Variants in ISCU observed in about 807,000 individuals in gnomAD.
ISCU encodes the protein iron-sulfur cluster assembly enzyme ISCU.
In ISCU, 13 loss-of-function variants were observed where a neutral mutation model predicts 18.4. That is an observed-to-expected ratio of 0.71 (90% CI 0.46 to 1.12). The LOEUF (loss-of-function observed/expected upper bound fraction) is 1.12, where lower values mean the gene tolerates loss of function less well. ISCU is among the 50% of genes most tolerant of loss of function. ISCU has a pLI of 0.00. For synonymous variants in ISCU, 104 were observed against 87.5 expected, an observed-to-expected ratio of 1.19 and a Z score of -1.06; for missense variants, 229 against 208.7, an observed-to-expected ratio of 1.10 and a Z score of -0.60.
upstream of ISCU, chr12:108,562,489 G>C: frequency 2.0e-6 from 1 of 496,632 alleles, no homozygotes; most frequent in Non-Finnish European, 3.4e-6. Context: ...AGGCGGACGC[G>C]TGCACGGAGC....
At chr12:108,566,381 T>C (rs1435209658) in intron 3 of ISCU, among the ~76,000 whole-genome samples, 4 of 152,232 alleles carry the variant, frequency 2.6e-5, no homozygotes, top group South Asian at 4.1e-4. Context: ...ACCTGGCCCT[T>C]AGGGGACTGT....
intron 1 of ISCU, 131 bp from the exon 2 acceptor site, chr12:108,564,148 C>G (rs1439940136): frequency 3.1e-6 from 5 of 1,611,440 alleles, no homozygotes; most frequent in Non-Finnish European, 4.2e-6. Context: ...GTAGACCTTT[C>G]TACTCAGGTG....
intron 1 of ISCU, chr12:108,563,810 T>C: frequency 2.1e-6 from 1 of 486,318 alleles, no homozygotes; most frequent in Non-Finnish European, 3.7e-6. Context: ...CACATAAACG[T>C]ACACATTCCA....
intron 4 of ISCU, chr12:108,567,689 T>A (rs2030964595): frequency 6.5e-7 from 1 of 1,535,924 alleles, no homozygotes; most frequent in South Asian, 1.2e-5. Context: ...AGGAGAAAAC[T>A]CAGCTTTCGC....
rs910607468 is a variant in ISCU, at chr12:108,563,660, C to T, written c.115-619C>T. 1.1e-5 allele frequency: 3 copies of T among 263,892 alleles called. No homozygotes were observed. In the Admixed American group the frequency reaches 1.5e-4, roughly 13 times the overall value. 16.3% of individuals were successfully genotyped at this position (263,892 alleles called of 1,614,324 possible). A position where few individuals can be genotyped will look rare whatever the true frequency, so the allele number is the denominator to read the frequency against. On this transcript the variant is annotated intron_variant, in intron 1 of 4. Transcript: ENST00000311893. ...CTCCAAGGGCTTCTTCACTCCTCCC[C>T]CTCCCGGGGGTGTGTTTTGTTGAGG...
rs1481300839 is a variant in ISCU at position 108,564,362 on chromosome 12, T to C, written c.198T>C (p.Ala66=). ...SKNVGTGLVG[A]PACGDVMKLQ... Reference sequence around the variant, plus strand: ...ATGTTGGAACTGGACTGGTGGGGGCTCCAGCATGTGGTGACGTAATGAAAT... The same window carrying C: ...ATGTTGGAACTGGACTGGTGGGGGCCCCAGCATGTGGTGACGTAATGAAAT... The change falls in exon 2 of 5, where the codon GCT becomes GCC. Residue 66 remains alanine, a synonymous_variant. Transcript: ENST00000311893. 1 of 1,613,812 alleles carries C rather than the reference T, an allele frequency of 6.2e-7. No individual in the cohort carries two copies. The highest frequency in any genetic ancestry group is 1.1e-5 in the South Asian group (1 of 91,074).
intron 3 of ISCU, among the ~76,000 whole-genome samples, chr12:108,566,524 A>T (rs1301237454): frequency 6.6e-6 from 1 of 152,256 alleles, no homozygotes; most frequent in Non-Finnish European, 1.5e-5. Context: ...GACATAGTCA[A>T]AGAGTCTGGC....
rs1309398166 is a variant in ISCU at position 108,568,644 on chromosome 12, C to T, written c.419-187C>T. 19 of 1,447,886 alleles carry T rather than the reference C, an allele frequency of 1.3e-5. No homozygotes were observed. In the East Asian group the frequency reaches 2.0e-4, roughly 15 times the overall value. The allele number at this position is 1,447,886 out of a possible 1,614,324, so 89.7% of individuals were successfully genotyped here. A position where few individuals can be genotyped will look rare whatever the true frequency, so the allele number is the denominator to read the frequency against. ...ACCCTAGTCTGTCTCCAGGATCACCCGCAGGAGTAACTCAGCTCAGGAAGC... is the reference window on the plus strand; with the variant it reads ...ACCCTAGTCTGTCTCCAGGATCACCTGCAGGAGTAACTCAGCTCAGGAAGC... On this transcript the variant is annotated intron_variant, in intron 4 of 4. Coordinates refer to ENST00000311893, the MANE Select transcript of ISCU (RefSeq NM_213595.4).
intron 2 of ISCU, chr12:108,564,990 GA>G (rs1228540911): frequency 2.6e-6 from 1 of 377,706 alleles, no homozygotes; most frequent in African/African-American, 2.0e-5. Flanking sequence ...AGTGTTTAAA[GA>G]GGCCAGATTG....
At position 108,564,303 on chromosome 12, in the gene ISCU, A is replaced by G; in HGVS notation, c.139A>G (p.Arg47Gly). ...GGTTGTTGATCATTATGAAAATCCT[A>G]GAAACGTGGGGTCCCTTGACAAGAC... ...KKVVDHYENP[R>G]NVGSLDKTSK... Residue 47 changes from arginine to glycine, a missense_variant, in exon 2 of 5, where the codon AGA becomes GGA. Transcript: ENST00000311893. 1 of 1,614,074 alleles carries G rather than the reference A, an allele frequency of 6.2e-7. No homozygotes were observed. The highest frequency in any genetic ancestry group is 8.5e-7 in the Non-Finnish European group (1 of 1,179,882).
At chr12:108,565,119 A>G in intron 2 of ISCU, 2 of 588,108 alleles carry the variant, frequency 3.4e-6, no homozygotes. Context: ...GATCTTTGTC[A>G]GTTGGGCCTG....
chr12:108,561,974 T>C (rs1223205492), upstream of ISCU, among the ~76,000 whole-genome samples: 1 of 152,212 alleles, frequency 6.6e-6, no homozygotes, highest in Non-Finnish European at 1.5e-5. Context: ...GCAGGAATTA[T>C]GTCTGTTTTG....
upstream of ISCU, chr12:108,562,432 T>A (rs1204727294): frequency 2.3e-6 from 1 of 438,122 alleles, no homozygotes; most frequent in Admixed American, 4.4e-5. Context: ...ACCTTCCCGC[T>A]CCCGACCCCG....
At chr12:108,567,657 G>C in intron 4 of ISCU, 3 of 1,535,752 alleles carry the variant, frequency 2.0e-6, no homozygotes, top group East Asian at 4.9e-5. Flanking sequence ...TTTGATTTCA[G>C]AATCTGTGCT....
intron 2 of ISCU, chr12:108,565,064 C>T: frequency 1.9e-6 from 1 of 532,192 alleles, no homozygotes. Context: ...AGGCCAGAGT[C>T]ACAAAACAAA....
chr12:108,563,048 C>T (rs983778909), intron 1 of ISCU: 5 of 222,172 alleles, frequency 2.3e-5, no homozygotes, highest in Admixed American at 5.9e-5. Flanking sequence ...CAGACACACC[C>T]CCGGAGCGGG....
intron 4 of ISCU, chr12:108,567,607 A>C (rs888548): frequency 1.4e-6 from 2 of 1,460,082 alleles, no homozygotes; most frequent in African/African-American, 2.8e-5. Flanking sequence ...CCCACATCAC[A>C]TGGCTAATAA....
chr12:108,562,203 A>G (rs890816995), upstream of ISCU, among the ~76,000 whole-genome samples: 4 of 152,262 alleles, frequency 2.6e-5, no homozygotes, highest in Non-Finnish European at 4.4e-5. Flanking sequence ...CTAATTGAAC[A>G]TAAGTCCTTA....
chr12:108,565,180 G>A, intron 2 of ISCU, 141 bp from the exon 3 acceptor site: 1 of 693,538 alleles, frequency 1.4e-6, no homozygotes, highest in Non-Finnish European at 2.6e-6. Flanking sequence ...TTGAAACAAG[G>A]CAAAGTCAGT....
Sources: gnomAD v4.1 joint callset for allele counts (sites outside exome capture counted in the v4.1 genomes callset) on GRCh38, gnomAD v4.1.1 for gene constraint, MANE v1.5 for transcripts, NCBI Gene and HGNC (gene_info 2026-07-23, HGNC 2026-07-21) for gene names.